The following SMOC1 variants were observed in gnomAD, a reference collection of about 807,000 sequenced individuals.
SMOC1 encodes the protein SPARC related modular calcium binding 1, also known as SPARC-related modular calcium-binding protein 1.
SMOC1 carries 22 observed loss-of-function variants against 56.3 expected under a neutral mutation model. The ratio of observed to expected loss-of-function variants is 0.39; its 90% CI spans 0.28 to 0.56. SMOC1 has a LOEUF of 0.56. SMOC1 is among the 20% of genes least tolerant of loss of function. The pLI is 0.61. For missense variants in SMOC1, 509 were observed against 565.4 expected (o/e 0.90, Z 1.01); for synonymous variants, 193 against 215.0 (o/e 0.90, Z 0.89).
At chr14:70,021,284 C>T (rs1044092616) in intron 10 of SMOC1, among the ~76,000 whole-genome samples, 4 of 152,168 alleles carry the variant, frequency 2.6e-5, no homozygotes, top group African/African-American at 9.7e-5. Context: ...CCTACCTGCA[C>T]CAATAGAATT....
intron 3 of SMOC1, among the ~76,000 whole-genome samples, chr14:69,963,430 A>C (rs1034441219): frequency 6.6e-6 from 1 of 152,224 alleles, no homozygotes; most frequent in African/African-American, 2.4e-5. Context: ...TGACAGGCCA[A>C]TACTTCTTTG....
intron 1 of SMOC1, among the ~76,000 whole-genome samples, chr14:69,925,927 G>A (rs183897854): frequency 1.8e-4 from 28 of 152,220 alleles, no homozygotes; most frequent in South Asian, 4.2e-4. Flanking sequence ...AGAAGACTGC[G>A]CACACCCTGG....
At position 69,886,022 on chromosome 14, in the gene SMOC1, C is replaced by T. The variant is rs187197671; in HGVS notation, c.99+6245C>T. The T allele has an allele frequency of 5.0e-4, 791 of 1,584,466 alleles. 4 individuals are homozygous for T. The African/African-American group carries it at 7.3e-3, about 15-fold the overall frequency. On this transcript the variant is annotated intron_variant, in intron 1 of 11. Coordinates refer to ENST00000361956, the MANE Select transcript of SMOC1 (RefSeq NM_001034852.3). Reference sequence around the variant, plus strand: ...TTTGGGCTGGATGTCCTGTCCAATGCCAAAATTCTTAGGCCTTTTCTCAAA... The same window carrying T: ...TTTGGGCTGGATGTCCTGTCCAATGTCAAAATTCTTAGGCCTTTTCTCAAA...
chr14:69,882,767 C>A (rs1290572070), intron 1 of SMOC1, among the ~76,000 whole-genome samples: 1 of 152,186 alleles, frequency 6.6e-6, no homozygotes, highest in Non-Finnish European at 1.5e-5. Flanking sequence ...TGGGTGAAGG[C>A]AGGAACTGTT....
intron 1 of SMOC1, among the ~76,000 whole-genome samples, chr14:69,947,142 C>T (rs915409295): frequency 2.1e-5 from 3 of 145,344 alleles, no homozygotes; most frequent in African/African-American, 7.6e-5. Context: ...CCCTCCCTTC[C>T]TTCTTCCTTC....
At chr14:69,909,428 A>C (rs1884497877) in intron 1 of SMOC1, among the ~76,000 whole-genome samples, 1 of 152,062 alleles carries the variant, frequency 6.6e-6, no homozygotes, top group African/African-American at 2.4e-5. Flanking sequence ...GATGGACTTC[A>C]CTTTGAGTTT....
chr14:70,023,037 G>A (rs138413631), intron 10 of SMOC1, among the ~76,000 whole-genome samples, 166 bp from the exon 11 acceptor site: 2,148 of 152,272 alleles, frequency 0.014, 53 homozygotes, highest in African/African-American at 0.046. Flanking sequence ...GATTTGAGTC[G>A]GAGAGGATGG....
chr14:69,973,372 A>T (rs1458820789), intron 3 of SMOC1, among the ~76,000 whole-genome samples: 1 of 152,206 alleles, frequency 6.6e-6, no homozygotes, highest in Non-Finnish European at 1.5e-5. Context: ...CATTTTATAG[A>T]TGGGCTCAAA....
At chr14:69,966,499 C>G (rs1183359211) in intron 3 of SMOC1, among the ~76,000 whole-genome samples, 1 of 152,190 alleles carries the variant, frequency 6.6e-6, no homozygotes, top group Non-Finnish European at 1.5e-5. Flanking sequence ...CAAAAGTTCA[C>G]CTTACAGCAG....
Position 70,031,455 on chromosome 14 carries a change from T to G in SMOC1, c.*1197T>G, listed in dbSNP as rs934550366. 6.6e-6 allele frequency: 1 copy of G among 152,212 alleles called. No individual in the cohort carries two copies. The highest frequency in any genetic ancestry group is 2.4e-5 in the African/African-American group (1 of 41,446). The allele number at this position is 152,212 out of a possible 1,614,324, so 9.4% of individuals were successfully genotyped here. On this transcript the variant is annotated 3_prime_UTR_variant, in exon 12 of 12. Transcript: ENST00000361956. Reference sequence around the variant, plus strand: ...GTGTCAGTCACCTTGTTGGTAACACTAAAGTTGTTTTGTTGGTTTTTTAAA... The same window carrying G: ...GTGTCAGTCACCTTGTTGGTAACACGAAAGTTGTTTTGTTGGTTTTTTAAA...
At chr14:69,879,866 G>C (rs898134205) in intron 1 of SMOC1, 89 bp downstream of exon 1, 94 of 1,170,134 alleles carry the variant, frequency 8.0e-5, no homozygotes, top group Non-Finnish European at 1.1e-4. Context: ...AGGGGGAAGA[G>C]AGATGTCAGA....
chr14:69,931,076 G>A (rs1401661615), intron 1 of SMOC1, among the ~76,000 whole-genome samples: 1 of 152,144 alleles, frequency 6.6e-6, no homozygotes, highest in African/African-American at 2.4e-5. Context: ...CAGTTTTATG[G>A]AGTGACTTTC....
Position 70,026,994 on chromosome 14 carries a change from G to A in SMOC1, c.1292-3248G>A, listed in dbSNP as rs181836041. On this transcript the variant is annotated intron_variant, in intron 11 of 11. Coordinates refer to ENST00000361956, the MANE Select transcript of SMOC1 (RefSeq NM_001034852.3). ...CATTGAGATAAGAGGAAGAGGGTAT[G>A]TAGGATTAATCAATGGGGTGGGGTG... Among the ~76,000 whole-genome samples, 3 of 152,336 alleles carry A rather than the reference G, an allele frequency of 2.0e-5. No individual in the cohort carries two copies. In the East Asian group the frequency reaches 5.8e-4, roughly 29 times the overall value.
intron 1 of SMOC1, among the ~76,000 whole-genome samples, chr14:69,899,040 C>G (rs963115382): frequency 6.6e-6 from 1 of 152,072 alleles, no homozygotes; most frequent in African/African-American, 2.4e-5. Context: ...CTCAGTGTTT[C>G]CCCCTACCTT....
intron 1 of SMOC1, among the ~76,000 whole-genome samples, chr14:69,950,649 A>G (rs1371708885): frequency 6.6e-6 from 1 of 152,214 alleles, no homozygotes; most frequent in Non-Finnish European, 1.5e-5. Flanking sequence ...ACTCTGCTAT[A>G]TGGGAGTAGA....
intron 7 of SMOC1, among the ~76,000 whole-genome samples, chr14:70,008,328 C>T (rs1885214703): frequency 6.6e-6 from 1 of 152,080 alleles, no homozygotes; most frequent in Non-Finnish European, 1.5e-5. Context: ...TTTGTAAAGA[C>T]ATAGTCTTGC....
chr14:69,993,958 G>A (rs932337563), intron 6 of SMOC1, among the ~76,000 whole-genome samples: 3 of 152,136 alleles, frequency 2.0e-5, no homozygotes, highest in East Asian at 1.9e-4. Context: ...CACATGAGAC[G>A]CACTCCTTTC....
intron 5 of SMOC1, 25 bp downstream of exon 5, chr14:69,977,990 T>C (rs746248151): frequency 3.1e-6 from 5 of 1,604,374 alleles, no homozygotes; most frequent in Non-Finnish European, 4.3e-6. Context: ...ATGCTTTATC[T>C]AAATGTTTGC....
chr14:69,928,812 A>G (rs1159146884), intron 1 of SMOC1, among the ~76,000 whole-genome samples: 1 of 152,196 alleles, frequency 6.6e-6, no homozygotes, highest in African/African-American at 2.4e-5. Context: ...TAGTTAAAGC[A>G]TGCGTATATT....
Sources: gnomAD v4.1 joint callset for allele counts (sites outside exome capture counted in the v4.1 genomes callset) on GRCh38, gnomAD v4.1.1 for gene constraint, MANE v1.5 for transcripts, NCBI Gene and HGNC (gene_info 2026-07-23, HGNC 2026-07-21) for gene names.